The following CNTNAP2 variants were observed in gnomAD, a reference collection of about 807,000 sequenced individuals.
The protein encoded by CNTNAP2 is contactin-associated protein-like 2.
Under a neutral mutation model 155.2 loss-of-function variants are expected in CNTNAP2, and 98 were observed. That is an observed-to-expected ratio of 0.63 (90% CI 0.54 to 0.75). CNTNAP2 has a LOEUF of 0.75. Among genes scored for constraint, CNTNAP2 ranks in the 30% least tolerant of loss-of-function variants. The pLI is 0.00. For missense variants in CNTNAP2, 1,727 were observed against 1,688.1 expected (o/e 1.02, Z -0.40); for synonymous variants, 651 against 631.2 (o/e 1.03, Z -0.47).
At chr7:147,087,372 T>G (rs770202308) in intron 4 of CNTNAP2, among the ~76,000 whole-genome samples, 4 of 152,198 alleles carry the variant, frequency 2.6e-5, no homozygotes, top group Admixed American at 6.5e-5. Context: ...TTCTTTGTTC[T>G]GTTTTTTTTA....
chr7:146,213,315 A>G (rs1478534239), intron 1 of CNTNAP2, among the ~76,000 whole-genome samples: 2 of 152,184 alleles, frequency 1.3e-5, no homozygotes, highest in Non-Finnish European at 2.9e-5. Context: ...TTCTGAGTGG[A>G]AGCCTTGGCT....
chr7:146,631,584 A>G (rs1799511965), intron 1 of CNTNAP2, among the ~76,000 whole-genome samples: 1 of 152,138 alleles, frequency 6.6e-6, no homozygotes, highest in Non-Finnish European at 1.5e-5. Flanking sequence ...TTACAAGAGA[A>G]GTTTTCTGGT....
intron 3 of CNTNAP2, among the ~76,000 whole-genome samples, chr7:146,930,824 CAA>C (rs1280104116): frequency 6.6e-6 from 1 of 151,994 alleles, no homozygotes; most frequent in Non-Finnish European, 1.5e-5. Context: ...CAACAAAGAT[CAA>C]AAGAGACAAA....
intron 3 of CNTNAP2, among the ~76,000 whole-genome samples, chr7:147,009,348 C>T (rs1475317547): frequency 1.3e-5 from 2 of 152,074 alleles, no homozygotes; most frequent in African/African-American, 4.8e-5. Context: ...GAGAAAAGGA[C>T]TCATGAACAA....
chr7:146,278,457 A>T (rs886205542), intron 1 of CNTNAP2, among the ~76,000 whole-genome samples: 4 of 152,224 alleles, frequency 2.6e-5, no homozygotes, highest in Non-Finnish European at 5.9e-5. Flanking sequence ...TAAAAAATAT[A>T]TGTGAAAATA....
At chr7:147,643,671 T>C (rs903711585) in intron 13 of CNTNAP2, among the ~76,000 whole-genome samples, 4 of 152,228 alleles carry the variant, frequency 2.6e-5, no homozygotes, top group Non-Finnish European at 5.9e-5. Flanking sequence ...ATACAAAGTA[T>C]ATTCATTATA....
chr7:146,139,616 TGTTGA>T (rs750244709), intron 1 of CNTNAP2, among the ~76,000 whole-genome samples: 56 of 152,308 alleles, frequency 3.7e-4, no homozygotes, highest in Non-Finnish European at 7.1e-4. Flanking sequence ...TGTTTGTGGC[TGTTGA>T]GTTATCATTC....
chr7:146,130,471 C>T (rs1388183996), intron 1 of CNTNAP2, among the ~76,000 whole-genome samples: 1 of 152,056 alleles, frequency 6.6e-6, no homozygotes, highest in Non-Finnish European at 1.5e-5. Flanking sequence ...GACTCTGCCT[C>T]TTAATAATTT....
At chr7:146,317,179 C>T (rs1584865936) in intron 1 of CNTNAP2, among the ~76,000 whole-genome samples, 1 of 151,932 alleles carries the variant, frequency 6.6e-6, no homozygotes, top group African/African-American at 2.4e-5. Flanking sequence ...TTTATAAATG[C>T]AATACATTAA....
intron 10 of CNTNAP2, among the ~76,000 whole-genome samples, chr7:147,451,616 C>A (rs1202804118): frequency 2.6e-5 from 4 of 152,020 alleles, no homozygotes; most frequent in African/African-American, 9.7e-5. Flanking sequence ...AGGATTGAAA[C>A]CTGTGGTTTC....
chr7:148,370,256 C>T (rs1798862250), intron 21 of CNTNAP2, among the ~76,000 whole-genome samples: 1 of 152,172 alleles, frequency 6.6e-6, no homozygotes, highest in Non-Finnish European at 1.5e-5. Context: ...TCTCCGGCTC[C>T]CCAGTGCCTC....
chr7:147,003,889 A>G (rs2129241777), intron 3 of CNTNAP2, among the ~76,000 whole-genome samples: 1 of 152,072 alleles, frequency 6.6e-6, no homozygotes, highest in South Asian at 2.1e-4. Context: ...AAAATTATCC[A>G]GGCATGATGG....
intron 1 of CNTNAP2, among the ~76,000 whole-genome samples, chr7:146,178,630 C>T (rs73452070): frequency 0.014 from 2,156 of 152,152 alleles, 47 homozygotes; most frequent in African/African-American, 0.048. Flanking sequence ...TTAAAATTTC[C>T]TATTTTTTTA....
At chr7:146,306,299 C>T (rs1312223378) in intron 1 of CNTNAP2, among the ~76,000 whole-genome samples, 1 of 152,118 alleles carries the variant, frequency 6.6e-6, no homozygotes, top group African/African-American at 2.4e-5. Flanking sequence ...GGACTCAGAG[C>T]TGAATTCTAC....
chr7:146,851,045 C>G (rs555420100), intron 3 of CNTNAP2, among the ~76,000 whole-genome samples: 1 of 151,880 alleles, frequency 6.6e-6, no homozygotes, highest in South Asian at 2.1e-4. Flanking sequence ...AGTGCAGTTT[C>G]CCAATCTCTG....
intron 1 of CNTNAP2, among the ~76,000 whole-genome samples, chr7:146,209,746 T>A (rs946827730): frequency 1.3e-5 from 2 of 152,194 alleles, no homozygotes; most frequent in Admixed American, 6.5e-5. Flanking sequence ...ATGTAATCAA[T>A]CAATTAATTC....
intron 3 of CNTNAP2, among the ~76,000 whole-genome samples, chr7:146,986,469 G>T (rs940976006): frequency 6.6e-6 from 1 of 152,118 alleles, no homozygotes; most frequent in Non-Finnish European, 1.5e-5. Context: ...AAACATTTTT[G>T]TGCAAGTATC....
chr7:147,705,246 G>C, intron 13 of CNTNAP2, among the ~76,000 whole-genome samples: 1 of 151,818 alleles, frequency 6.6e-6, no homozygotes, highest in Middle Eastern at 3.2e-3. Context: ...GGTATACTAC[G>C]TTTTGACTTG....
chr7:146,822,041 T>C (rs1803295699), intron 2 of CNTNAP2, among the ~76,000 whole-genome samples: 1 of 152,150 alleles, frequency 6.6e-6, no homozygotes, highest in African/African-American at 2.4e-5. Flanking sequence ...ATTGCGGCAC[T>C]ATTCACAGTA....
Sources: gnomAD v4.1 joint callset for allele counts (sites outside exome capture counted in the v4.1 genomes callset) on GRCh38, gnomAD v4.1.1 for gene constraint, MANE v1.5 for transcripts, NCBI Gene and HGNC (gene_info 2026-07-23, HGNC 2026-07-21) for gene names.